The following HACD2 variants were observed in gnomAD, a reference collection of about 807,000 sequenced individuals.
HACD2 encodes very-long-chain (3R)-3-hydroxyacyl-CoA dehydratase 2.
A neutral mutation model predicts 31.0 loss-of-function variants in HACD2; 15 were observed. The observed-to-expected ratio is 0.48, with a 90% CI of 0.32 to 0.75. HACD2 has a LOEUF of 0.75. HACD2 is among the 30% of genes least tolerant of loss of function. HACD2 has a pLI of 0.03. For synonymous variants in HACD2, 115 were observed against 122.2 expected, an observed-to-expected ratio of 0.94 and a Z score of 0.39; for missense variants, 283 against 313.0, an observed-to-expected ratio of 0.90 and a Z score of 0.72.
chr3:123,555,351 A>G (rs2056662237), intron 3 of HACD2, among the ~76,000 whole-genome samples: 1 of 150,576 alleles, frequency 6.6e-6, no homozygotes, highest in African/African-American at 2.5e-5. Flanking sequence ...GAATCTACAA[A>G]CACACACACA....
At chr3:123,568,300 ACCCTGTCTCCTGGGGATCTGGGCCTACAT>A (rs2056814122) in intron 2 of HACD2, among the ~76,000 whole-genome samples, 1 of 152,104 alleles carries the variant, frequency 6.6e-6, no homozygotes, top group African/African-American at 2.4e-5. Context: ...GTCCAATCCA[ACCCTGTCTCCTGGGGATCTGGGCCTACAT>A]CCCAAGCTGC....
At position 123,561,083 on chromosome 3, in the gene HACD2, G is replaced by T. The variant is rs542697337; in HGVS notation, c.292+6679C>A. 2.0e-5 allele frequency among the ~76,000 whole-genome samples: 3 copies of T among 152,264 alleles called. No homozygotes were observed. In the South Asian group the frequency reaches 6.2e-4, roughly 32 times the overall value. On this transcript the variant is annotated intron_variant, in intron 3 of 6. Transcript: ENST00000383657. Reference sequence around the variant, plus strand: ...AAACTTGGCCCTCTCAAAGTAGCGGGGGGGCAGAGGAGGGAGTGTTACAGT... The same window carrying T: ...AAACTTGGCCCTCTCAAAGTAGCGGTGGGGCAGAGGAGGGAGTGTTACAGT...
At chr3:123,548,162 C>G (rs754573136) in intron 3 of HACD2, among the ~76,000 whole-genome samples, 1 of 151,998 alleles carries the variant, frequency 6.6e-6, no homozygotes, top group African/African-American at 2.4e-5. Context: ...TCTGCTAGGG[C>G]GTGATGTGGG....
chr3:123,577,620 C>CAAAAAAAAAAAAAAAA (rs35024817), intron 2 of HACD2, among the ~76,000 whole-genome samples: 1 of 90,444 alleles, frequency 1.1e-5, no homozygotes, highest in African/African-American at 3.3e-5. Context: ...GACTCTGTCT[C>CAAAAAAAAAAAAAAAA]AAAAAAAAAA....
intron 4 of HACD2, among the ~76,000 whole-genome samples, chr3:123,504,463 C>T (rs73857651): frequency 7.0e-4 from 107 of 152,038 alleles, no homozygotes; most frequent in African/African-American, 2.6e-3. Flanking sequence ...TGGGTTACTC[C>T]GAGACTCAGT....
intron 3 of HACD2, among the ~76,000 whole-genome samples, chr3:123,560,173 T>C (rs1395964734): frequency 1.3e-5 from 2 of 152,214 alleles, no homozygotes; most frequent in Non-Finnish European, 2.9e-5. Flanking sequence ...TCTCCTTGTC[T>C]GGAGGGGAGC....
chr3:123,547,214 C>A (rs371777481), intron 3 of HACD2, among the ~76,000 whole-genome samples: 1 of 152,116 alleles, frequency 6.6e-6, no homozygotes, highest in Non-Finnish European at 1.5e-5. Flanking sequence ...ATTGTGATTA[C>A]GCCTTCCTCC....
chr3:123,509,249 T>C (rs1234894773), intron 4 of HACD2, among the ~76,000 whole-genome samples: 8 of 151,960 alleles, frequency 5.3e-5, no homozygotes, highest in Non-Finnish European at 1.2e-4. Context: ...CTGGGCATGG[T>C]GGCATGTGCC....
rs543523830 is a variant in HACD2, at chr3:123,530,537, T to C, written c.293-2063A>G. 2.0e-5 allele frequency among the ~76,000 whole-genome samples: 3 copies of C among 151,700 alleles called. No individual in the cohort carries two copies. The East Asian group carries it at 5.9e-4, about 30-fold the overall frequency. ...GGTTCTCCTGCCTCCGCCTCCCGAGTAGCTGGAGTTACAGGCATAAGCCAC... is the reference window on the plus strand; with the variant it reads ...GGTTCTCCTGCCTCCGCCTCCCGAGCAGCTGGAGTTACAGGCATAAGCCAC... On this transcript the variant is annotated intron_variant, in intron 3 of 6. Coordinates refer to ENST00000383657, the MANE Select transcript of HACD2 (RefSeq NM_198402.5).
intron 4 of HACD2, among the ~76,000 whole-genome samples, chr3:123,507,086 G>T (rs760708051): frequency 1.3e-5 from 2 of 152,036 alleles, no homozygotes; most frequent in African/African-American, 2.4e-5. Flanking sequence ...GTGAGATTCC[G>T]TTTCTACAAT....
rs374903728 is a variant in HACD2 at position 123,549,542 on chromosome 3, G to A, written c.292+18220C>T. The stretch of plus-strand genomic sequence containing the variant: ...GCAGGCACATTTCTTGAGCTCAGGA[G>A]TTTGAGACCAGTCTGGACAACATAA... On this transcript the variant is annotated intron_variant, in intron 3 of 6. Coordinates refer to ENST00000383657, the MANE Select transcript of HACD2 (RefSeq NM_198402.5). Among the ~76,000 whole-genome samples, 186 of 152,260 alleles carry A rather than the reference G, an allele frequency of 1.2e-3. 3 individuals carry two copies. In the South Asian group the frequency reaches 0.036, roughly 30 times the overall value.
chr3:123,540,813 C>T (rs1015152758), intron 3 of HACD2, among the ~76,000 whole-genome samples: 2 of 152,086 alleles, frequency 1.3e-5, no homozygotes, highest in Non-Finnish European at 1.5e-5. Flanking sequence ...TTTTAAAAAA[C>T]AGTTGAACTA....
chr3:123,510,372 C>T (rs1043286446), intron 4 of HACD2, among the ~76,000 whole-genome samples: 10 of 152,170 alleles, frequency 6.6e-5, no homozygotes, highest in African/African-American at 1.9e-4. Context: ...CTCAGCCTCC[C>T]GAGTAGCTGG....
intron 3 of HACD2, among the ~76,000 whole-genome samples, chr3:123,550,296 A>G (rs1299948016): frequency 6.6e-6 from 1 of 152,222 alleles, no homozygotes; most frequent in East Asian, 1.9e-4. Flanking sequence ...GTATCTGCGC[A>G]GTGAGGACTG....
intron 3 of HACD2, among the ~76,000 whole-genome samples, chr3:123,549,271 T>G (rs1389121705): frequency 6.6e-6 from 1 of 152,164 alleles, no homozygotes; most frequent in African/African-American, 2.4e-5. Flanking sequence ...CCATTATTTA[T>G]AGACCCTTGA....
At chr3:123,512,153 G>A (rs2056071487) in intron 4 of HACD2, among the ~76,000 whole-genome samples, 1 of 152,140 alleles carries the variant, frequency 6.6e-6, no homozygotes, top group African/African-American at 2.4e-5. Context: ...ACTAAGATGA[G>A]CCCTGTTTAT....
chr3:123,551,319 C>G (rs73857667), intron 3 of HACD2, among the ~76,000 whole-genome samples: 1 of 152,016 alleles, frequency 6.6e-6, no homozygotes, highest in Admixed American at 6.6e-5. Context: ...AGTAGAAACT[C>G]GATAAATGAT....
chr3:123,570,945 T>G (rs113703413), intron 2 of HACD2, among the ~76,000 whole-genome samples: 1 of 98,902 alleles, frequency 1.0e-5, no homozygotes, highest in Non-Finnish European at 1.7e-5. Context: ...CACACACACA[T>G]ACACACACAC....
At chr3:123,531,492 G>T (rs1349664768) in intron 3 of HACD2, among the ~76,000 whole-genome samples, 1 of 152,028 alleles carries the variant, frequency 6.6e-6, no homozygotes, top group African/African-American at 2.4e-5. Flanking sequence ...GCTAATTTTT[G>T]TATTTTTGTT....
Sources: gnomAD v4.1 joint callset for allele counts (sites outside exome capture counted in the v4.1 genomes callset) on GRCh38, gnomAD v4.1.1 for gene constraint, MANE v1.5 for transcripts, NCBI Gene and HGNC (gene_info 2026-07-23, HGNC 2026-07-21) for gene names.